LETM2: variants seen among roughly 807,000 people sequenced by gnomAD.
LETM2 encodes leucine zipper and EF-hand containing transmembrane protein 2, also known as LETM1 domain-containing protein LETM2, mitochondrial.
A neutral mutation model predicts 59.6 loss-of-function variants in LETM2; 58 were observed. The ratio of observed to expected loss-of-function variants is 0.97; its 90% CI spans 0.79 to 1.21. The LOEUF is 1.21. Ranked by LOEUF, LETM2 falls within the 50% of genes most tolerant of loss-of-function variation. LETM2 has a pLI of 0.00. For synonymous variants in LETM2, 199 were observed against 214.1 expected (o/e 0.93, Z 0.62); for missense variants, 572 against 575.7 (o/e 0.99, Z 0.07).
intron 4 of LETM2, among the ~76,000 whole-genome samples, chr8:38,396,273 C>T (rs975575594): frequency 6.6e-5 from 10 of 151,954 alleles, no homozygotes; most frequent in Non-Finnish European, 1.2e-4. Context: ...AAGCGAGTCT[C>T]CTGCTTCAGC....
chr8:38,397,723 T>C (rs1206399315), intron 4 of LETM2, among the ~76,000 whole-genome samples: 3 of 152,060 alleles, frequency 2.0e-5, no homozygotes, highest in Non-Finnish European at 1.5e-5. Context: ...GATCTATGTT[T>C]TGGAGGAATA....
At chr8:38,383,613 C>G (rs551310308), upstream of LETM2, among the ~76,000 whole-genome samples, 1 of 151,528 alleles carries the variant, frequency 6.6e-6, no homozygotes, top group South Asian at 2.1e-4. Context: ...TTAAACGTAA[C>G]CCGGTTAATA....
chr8:38,408,299 C>T lies in LETM2; in HGVS notation c.*25C>T. On this transcript the variant is annotated 3_prime_UTR_variant, in exon 11 of 11. Coordinates refer to ENST00000379957, the MANE Select transcript of LETM2 (RefSeq NM_001286819.2). ...AAGGACTACTTGAGGATGGAGCTCA[C>T]TCTCTTCAGCTTCCGGCCCTCAACA... 1 of 1,598,434 alleles carries T rather than the reference C, an allele frequency of 6.3e-7. No homozygotes were observed. Among genetic ancestry groups the T allele is most frequent in the Non-Finnish European group, 8.6e-7 (1 of 1,167,720 alleles).
intron 4 of LETM2, among the ~76,000 whole-genome samples, chr8:38,395,715 C>G (rs979120960): frequency 1.3e-5 from 2 of 152,088 alleles, no homozygotes; most frequent in Non-Finnish European, 2.9e-5. Context: ...AGGGTTTCAC[C>G]ATATTGGCCA....
chr8:38,394,259 T>G lies in LETM2; in HGVS notation c.645+18T>G. On this transcript the variant is annotated intron_variant, in intron 4 of 10. Coordinates refer to ENST00000379957, the MANE Select transcript of LETM2 (RefSeq NM_001286819.2). Reference sequence around the variant, plus strand: ...CCAAAAAGGTATGATTTTTTAACTTTAATAAAATTTAATAAACCTTATTAG... The same window carrying G: ...CCAAAAAGGTATGATTTTTTAACTTGAATAAAATTTAATAAACCTTATTAG... 3 of 1,372,972 alleles carry G rather than the reference T, an allele frequency of 2.2e-6. No homozygotes were observed. Among genetic ancestry groups the G allele is most frequent in the Non-Finnish European group, 2.9e-6 (3 of 1,038,584 alleles). The allele number at this position is 1,372,972 out of a possible 1,614,324, so 85.0% of individuals were successfully genotyped here.
chr8:38,384,409 A>T (rs961949262), upstream of LETM2, among the ~76,000 whole-genome samples: 2 of 152,254 alleles, frequency 1.3e-5, no homozygotes, highest in Admixed American at 6.5e-5. Flanking sequence ...ATATTTAGGA[A>T]AATGGCCATT....
rs750292042 is a variant in LETM2, at chr8:38,402,529, T to C, written c.989T>C (p.Ile330Thr). 13 of 1,613,822 alleles carry C rather than the reference T, an allele frequency of 8.1e-6. No homozygotes were observed. Among genetic ancestry groups the C allele is most frequent in the Admixed American group, 3.3e-5 (2 of 60,000 alleles). The part of the protein sequence containing the change: ...LKSIKADDEI[I>T]AKEGVTALSV... ...CATCCCTTACATTTCTTTCAGATAATTGCCAAGGAAGGGGTGACAGCATTG... is the reference window on the plus strand; with the variant it reads ...CATCCCTTACATTTCTTTCAGATAACTGCCAAGGAAGGGGTGACAGCATTG... The change falls in exon 7 of 11, where the codon ATT becomes ACT. Residue 330 changes from isoleucine to threonine, a missense_variant. Coordinates refer to ENST00000379957, the MANE Select transcript of LETM2 (RefSeq NM_001286819.2).
At chr8:38,385,344 G>A (rs1446310613), upstream of LETM2, among the ~76,000 whole-genome samples, 1 of 152,156 alleles carries the variant, frequency 6.6e-6, no homozygotes, top group East Asian at 1.9e-4. Flanking sequence ...CGTATTCTCC[G>A]TGAGAAAGCG....
intron 2 of LETM2, among the ~76,000 whole-genome samples, chr8:38,390,231 T>A (rs1337152669): frequency 6.6e-6 from 1 of 151,262 alleles, no homozygotes; most frequent in Non-Finnish European, 1.5e-5. Flanking sequence ...GCCTGTAATC[T>A]CAGCTCCTTG....
rs1359468649 is a variant in LETM2 at position 38,386,573 on chromosome 8, G to C, written c.-35+5G>C. ...CCGCGGAGCCCGGCCGAGGAGGTAGGGGTGGGCAGGCCCAGCCCTCAGGCC... is the reference window on the plus strand; with the variant it reads ...CCGCGGAGCCCGGCCGAGGAGGTAGCGGTGGGCAGGCCCAGCCCTCAGGCC... On this transcript the variant is annotated splice_donor_5th_base_variant and intron_variant, in intron 1 of 10. Coordinates refer to ENST00000379957, the MANE Select transcript of LETM2 (RefSeq NM_001286819.2). The C allele has an allele frequency of 1.3e-5, 2 of 152,248 alleles. No homozygotes were observed. Among genetic ancestry groups the C allele is most frequent in the Non-Finnish European group, 2.9e-5 (2 of 68,120 alleles). The allele number at this position is 152,248 out of a possible 1,614,324, so 9.4% of individuals were successfully genotyped here.
At chr8:38,387,901 T>C (rs935625311) in intron 1 of LETM2, 49 bp from the exon 2 acceptor site, 9 of 740,634 alleles carry the variant, frequency 1.2e-5, no homozygotes, top group Non-Finnish European at 1.8e-5. Flanking sequence ...TGTCTTTTAA[T>C]TGATGTATTT....
chr8:38,403,036 C>T (rs768629343), intron 7 of LETM2, among the ~76,000 whole-genome samples: 2 of 151,950 alleles, frequency 1.3e-5, no homozygotes, highest in Non-Finnish European at 2.9e-5. Context: ...GGCTGTGAGC[C>T]CCGGGCTACT....
At chr8:38,405,058 T>A (rs1431595471) in intron 8 of LETM2, among the ~76,000 whole-genome samples, 1 of 152,212 alleles carries the variant, frequency 6.6e-6, no homozygotes, top group African/African-American at 2.4e-5. Context: ...CCAGCTTGAT[T>A]GAGAATTTTA....
At chr8:38,383,929 CAA>C (rs34110368), upstream of LETM2, among the ~76,000 whole-genome samples, 26,485 of 120,864 alleles carry the variant, frequency 0.22, 2,600 homozygotes, top group East Asian at 0.36. Flanking sequence ...GGCTATGTCT[CAA>C]AAAAAAAAAA....
intron 2 of LETM2, among the ~76,000 whole-genome samples, chr8:38,389,202 A>ATTATTTATTTAT (rs372262355): frequency 1.5e-4 from 23 of 151,224 alleles, no homozygotes; most frequent in African/African-American, 5.3e-4. Context: ...GTCTGTTACC[A>ATTATTTATTTAT]TTATTTATTT....
chr8:38,391,300 GTTTTT>G (rs761566202), intron 2 of LETM2, among the ~76,000 whole-genome samples: 2 of 109,164 alleles, frequency 1.8e-5, no homozygotes, highest in Non-Finnish European at 3.8e-5. Flanking sequence ...TTTTATTTTA[GTTTTT>G]TTTTTTTTTT....
chr8:38,389,622 C>A (rs1487580315), intron 2 of LETM2, among the ~76,000 whole-genome samples: 1 of 152,126 alleles, frequency 6.6e-6, no homozygotes, highest in Non-Finnish European at 1.5e-5. Flanking sequence ...CAAAAATAGT[C>A]TGAGGCTGGC....
Position 38,396,209 on chromosome 8 carries a change from G to A in LETM2, c.645+1968G>A, listed in dbSNP as rs780267411. The stretch of plus-strand genomic sequence containing the variant: ...GATGGAGCCTCGCTCTGTCGCCCAG[G>A]CTGGAGTGCAATGGTGCGATCTCGG... On this transcript the variant is annotated intron_variant, in intron 4 of 10. Transcript: ENST00000379957. 7.7e-4 allele frequency among the ~76,000 whole-genome samples: 117 copies of A among 151,556 alleles called. 1 individual carries two copies. The highest frequency in any genetic ancestry group is 4.7e-4 in the Non-Finnish European group (32 of 67,914).
rs747174125 is a variant in LETM2, at chr8:38,402,624, C to G, written c.1084C>G (p.Leu362Val). The G allele has an allele frequency of 1.2e-6, 2 of 1,614,044 alleles. No homozygotes were observed. The highest frequency in any genetic ancestry group is 2.2e-5 in the East Asian group (1 of 44,898). The stretch of plus-strand genomic sequence containing the variant: ...ATCACTGGGTCTCACGGAGGAACAA[C>G]TGCGACAACAGCTCACGGAGGCAAG... ...MRSLGLTEEQ[L>V]RQQLTEWQDL... Residue 362 changes from leucine to valine, a missense_variant, in exon 7 of 11, where the codon CTG (leucine) becomes GTG (valine). Physicochemically the swap from Leu to Val is conservative, Grantham distance 32. Transcript: ENST00000379957.
Sources: allele counts gnomAD v4.1 joint callset (sites outside exome capture counted in the v4.1 genomes callset), GRCh38; gene constraint gnomAD v4.1.1; transcripts MANE v1.5; gene names NCBI Gene and HGNC (gene_info 2026-07-23, HGNC 2026-07-21).